The following SLC5A4 variants were observed in gnomAD, a reference collection of about 807,000 sequenced individuals.
SLC5A4 encodes the protein solute carrier family 5 member 4.
In SLC5A4, 55 loss-of-function variants were observed where a neutral mutation model predicts 70.3. That is an observed-to-expected ratio of 0.78 (90% CI 0.63 to 0.98). The LOEUF (loss-of-function observed/expected upper bound fraction) is 0.98. Ranked by LOEUF, SLC5A4 falls within the 50% of genes least tolerant of loss-of-function variation. SLC5A4 has a pLI of 0.00. For missense variants in SLC5A4, 735 were observed against 839.2 expected, an observed-to-expected ratio of 0.88 and a Z score of 1.53; for synonymous variants, 268 against 305.7, an observed-to-expected ratio of 0.88 and a Z score of 1.29.
the SLC5A4 span, among the ~76,000 whole-genome samples, chr22:32,354,672 C>T: frequency 3.3e-5 from 5 of 151,956 alleles, no homozygotes; most frequent in Admixed American, 2.6e-4. Flanking sequence ...CAGCGCACAC[C>T]CGATAGCACC....
chr22:32,292,771 C>G, the SLC5A4 span, among the ~76,000 whole-genome samples: 1 of 152,162 alleles, frequency 6.6e-6, no homozygotes, highest in Non-Finnish European at 1.5e-5. Flanking sequence ...ATGCATTGTT[C>G]TAGATATCTC....
chr22:32,345,006 G>A, the SLC5A4 span, among the ~76,000 whole-genome samples: 1 of 152,140 alleles, frequency 6.6e-6, no homozygotes, highest in Non-Finnish European at 1.5e-5. Flanking sequence ...ACATACTTTA[G>A]TAGCTAGGAC....
chr22:32,310,198 G>A, the SLC5A4 span, among the ~76,000 whole-genome samples: 2 of 152,084 alleles, frequency 1.3e-5, no homozygotes, highest in Non-Finnish European at 1.5e-5. Flanking sequence ...TCCAGGAGAG[G>A]GAGGCAAGGC....
chr22:32,337,469 G>T, the SLC5A4 span, among the ~76,000 whole-genome samples: 2 of 152,188 alleles, frequency 1.3e-5, no homozygotes, highest in Admixed American at 1.3e-4. Context: ...CGGAGGTGGA[G>T]GTTGCAGTGA....
At chr22:32,292,426 T>G in the SLC5A4 span, among the ~76,000 whole-genome samples, 1 of 149,452 alleles carries the variant, frequency 6.7e-6, no homozygotes, top group Non-Finnish European at 1.5e-5. Flanking sequence ...TATGTGTGTG[T>G]GTGTATATGC....
chr22:32,249,301 A>G (rs547253776), intron 3 of SLC5A4, among the ~76,000 whole-genome samples: 2 of 152,212 alleles, frequency 1.3e-5, no homozygotes, highest in African/African-American at 2.4e-5. Flanking sequence ...TGAGAAGCAC[A>G]GTTATTCTTA....
chr22:32,343,083 TCATGCTTTGCTG>T, the SLC5A4 span: 1 of 152,252 alleles, frequency 6.6e-6, no homozygotes, highest in African/African-American at 2.4e-5. Flanking sequence ...TAATACTCTC[TCATGCTTTGCTG>T]CATTCTGAAG....
upstream of SLC5A4, among the ~76,000 whole-genome samples, chr22:32,255,737 A>G (rs1350863972): frequency 2.6e-5 from 4 of 152,188 alleles, no homozygotes; most frequent in Non-Finnish European, 4.4e-5. Context: ...GAACAGATAC[A>G]GTTTCTGACC....
chr22:32,286,011 C>T, the SLC5A4 span, among the ~76,000 whole-genome samples: 2 of 152,204 alleles, frequency 1.3e-5, no homozygotes, highest in African/African-American at 4.8e-5. Context: ...GCTGTGATTA[C>T]AGGCGTGAGC....
At chr22:32,259,569 T>A (rs1463874239), upstream of SLC5A4, among the ~76,000 whole-genome samples, 1 of 152,354 alleles carries the variant, frequency 6.6e-6, no homozygotes, top group Non-Finnish European at 1.5e-5. Context: ...TCTTGGTGTA[T>A]AATTTAATAT....
chr22:32,288,537 CTCTTT>C, the SLC5A4 span, among the ~76,000 whole-genome samples: 2 of 152,042 alleles, frequency 1.3e-5, no homozygotes, highest in Non-Finnish European at 2.9e-5. Context: ...CTTTCTCTGT[CTCTTT>C]TGTTTTTTTC....
At chr22:32,257,606 C>A (rs150312900), upstream of SLC5A4, among the ~76,000 whole-genome samples, 4 of 151,610 alleles carry the variant, frequency 2.6e-5, no homozygotes, top group Non-Finnish European at 5.9e-5. Context: ...CTTGTCTCAG[C>A]CTCTCAAAGT....
At chr22:32,311,918 C>A in the SLC5A4 span, among the ~76,000 whole-genome samples, 1 of 152,142 alleles carries the variant, frequency 6.6e-6, no homozygotes, top group African/African-American at 2.4e-5. Context: ...CTTTGGGTTC[C>A]TGCACCCCTG....
At chr22:32,353,086 C>T in the SLC5A4 span, among the ~76,000 whole-genome samples, 7 of 152,200 alleles carry the variant, frequency 4.6e-5, no homozygotes, top group South Asian at 2.1e-4. Context: ...TGGCAGAGGC[C>T]GGTTTCAGCG....
chr22:32,284,273 T>C, the SLC5A4 span, among the ~76,000 whole-genome samples: 1 of 152,238 alleles, frequency 6.6e-6, no homozygotes, highest in Non-Finnish European at 1.5e-5. Context: ...ATCATTAAAA[T>C]AGATTTTTAA....
the SLC5A4 span, among the ~76,000 whole-genome samples, chr22:32,325,845 TGGCCTGTGCTGCTGACCACAG>T: frequency 6.6e-6 from 1 of 152,230 alleles, no homozygotes; most frequent in Non-Finnish European, 1.5e-5. Context: ...CAGTGGAGCT[TGGCCTGTGCTGCTGACCACAG>T]GGCCACACAG....
At chr22:32,354,367 T>C in the SLC5A4 span, among the ~76,000 whole-genome samples, 5 of 150,148 alleles carry the variant, frequency 3.3e-5, no homozygotes, top group African/African-American at 1.2e-4. Context: ...CAGCCCCAGA[T>C]AGTGCTGCCA....
chr22:32,271,791 T>C, the SLC5A4 span: 4 of 597,344 alleles, frequency 6.7e-6, no homozygotes, highest in South Asian at 6.1e-5. Flanking sequence ...AAACTGAGGA[T>C]CAGCGTCCTT....
chr22:32,306,918 C>T, the SLC5A4 span, among the ~76,000 whole-genome samples: 1 of 151,378 alleles, frequency 6.6e-6, no homozygotes, highest in Non-Finnish European at 1.5e-5. Context: ...GGCGCTCTCT[C>T]TTGGGCCACC....
Sources: gnomAD v4.1 joint callset for allele counts (sites outside exome capture counted in the v4.1 genomes callset) on GRCh38, gnomAD v4.1.1 for gene constraint, MANE v1.5 for transcripts, NCBI Gene and HGNC (gene_info 2026-07-23, HGNC 2026-07-21) for gene names.